The following DACH2 variants were observed in gnomAD, a reference collection of about 807,000 sequenced individuals.
DACH2 encodes dachshund homolog 2.
DACH2 carries 17 observed loss-of-function variants against 35.8 expected under a neutral mutation model. The observed-to-expected ratio is 0.48, with a 90% CI of 0.33 to 0.71. The LOEUF is 0.71. Ranked by LOEUF, DACH2 falls within the 30% of genes least tolerant of loss-of-function variation. The pLI is 0.02. For missense variants in DACH2, 469 were observed against 472.7 expected (o/e 0.99, Z 0.07); for synonymous variants, 195 against 177.3 (o/e 1.10, Z -0.79).
intron 1 of DACH2, among the ~76,000 whole-genome samples, chrX:86,284,179 A>G (rs776964318): frequency 9.0e-6 from 1 of 111,702 alleles, no homozygotes; most frequent in East Asian, 2.8e-4. Flanking sequence ...CATGTTCCAG[A>G]TCTTAAAGGA....
At chrX:86,293,578 T>C (rs1272177482) in intron 1 of DACH2, among the ~76,000 whole-genome samples, 40 of 110,677 alleles carry the variant, frequency 3.6e-4, no homozygotes, top group African/African-American at 1.2e-3. Flanking sequence ...TTCCTTTCCA[T>C]GTTTAGCGCT....
chrX:86,252,333 G>T (rs935040960), intron 1 of DACH2, among the ~76,000 whole-genome samples: 1 of 111,180 alleles, frequency 9.0e-6, no homozygotes, highest in African/African-American at 3.3e-5. Context: ...CTATGCAGAA[G>T]CTCCTTAGTC....
intron 1 of DACH2, among the ~76,000 whole-genome samples, chrX:86,152,810 T>C (rs1468810855): frequency 1.8e-5 from 2 of 111,810 alleles, no homozygotes; most frequent in Admixed American, 9.5e-5. Context: ...ATTTTGTTTT[T>C]TGCAGATAAA....
chrX:86,171,599 T>A (rs1415719142), intron 1 of DACH2, among the ~76,000 whole-genome samples: 1 of 110,812 alleles, frequency 9.0e-6, no homozygotes, highest in Non-Finnish European at 1.9e-5. Context: ...GTAAGACGAG[T>A]TTGGTCTGGG....
At chrX:86,539,837 G>A (rs2038856992) in intron 3 of DACH2, among the ~76,000 whole-genome samples, 1 of 111,345 alleles carries the variant, frequency 9.0e-6, no homozygotes, top group Non-Finnish European at 1.9e-5. Flanking sequence ...GGCATAGTAA[G>A]TATTCAATAA....
chrX:86,553,208 C>T (rs769411809), intron 3 of DACH2, among the ~76,000 whole-genome samples: 3 of 111,310 alleles, frequency 2.7e-5, no homozygotes, highest in African/African-American at 9.8e-5. Context: ...GAGCCCCTGG[C>T]AAATCACTGG....
chrX:86,207,638 T>C (rs1423798183), intron 1 of DACH2, among the ~76,000 whole-genome samples: 1 of 111,752 alleles, frequency 8.9e-6, no homozygotes, highest in Non-Finnish European at 1.9e-5. Context: ...GTAATGAATC[T>C]AGAAACTGTC....
At chrX:86,415,637 C>G (rs2036691436) in intron 2 of DACH2, among the ~76,000 whole-genome samples, 1 of 111,158 alleles carries the variant, frequency 9.0e-6, no homozygotes, top group South Asian at 3.8e-4. Context: ...ATTCAATTTG[C>G]TGAATGATAT....
intron 2 of DACH2, among the ~76,000 whole-genome samples, chrX:86,506,308 CTAAAAT>C (rs1343813654): frequency 2.0e-4 from 23 of 112,245 alleles, no homozygotes; most frequent in Admixed American, 1.7e-3. Context: ...GTTTGGCTTA[CTAAAAT>C]CATTTGCATT....
chrX:86,401,335 G>A (rs1358592948), intron 2 of DACH2, among the ~76,000 whole-genome samples: 3 of 112,205 alleles, frequency 2.7e-5, no homozygotes, highest in East Asian at 2.8e-4. Flanking sequence ...CCCGGGTGAG[G>A]TGATGCCTTG....
At chrX:86,656,857 G>GTATGTATATATA (rs2040547071) in intron 4 of DACH2, among the ~76,000 whole-genome samples, 1 of 66,772 alleles carries the variant, frequency 1.5e-5, no homozygotes, top group Non-Finnish European at 2.6e-5. Flanking sequence ...GTGTGTGTGT[G>GTATGTATATATA]TATATATATA....
intron 2 of DACH2, among the ~76,000 whole-genome samples, chrX:86,424,842 C>T (rs2036865781): frequency 9.0e-6 from 1 of 110,803 alleles, no homozygotes; most frequent in Admixed American, 9.6e-5. Flanking sequence ...CATTACGAGG[C>T]ATGTTACTTC....
intron 3 of DACH2, among the ~76,000 whole-genome samples, chrX:86,518,587 A>C (rs1185636343): frequency 9.0e-6 from 1 of 111,672 alleles, no homozygotes; most frequent in African/African-American, 3.3e-5. Flanking sequence ...AGTGTTTTGT[A>C]ATTCTCATTG....
chrX:86,178,381 T>C (rs1199675368), intron 1 of DACH2, among the ~76,000 whole-genome samples: 1 of 111,651 alleles, frequency 9.0e-6, no homozygotes, highest in Non-Finnish European at 1.9e-5. Context: ...AAAACTAGCT[T>C]GTAAATTCTT....
At chrX:86,660,347 T>A (rs1048608772) in intron 4 of DACH2, among the ~76,000 whole-genome samples, 2 of 111,766 alleles carry the variant, frequency 1.8e-5, no homozygotes, top group African/African-American at 6.5e-5. Flanking sequence ...ATGCAGGGTG[T>A]TATCCAGCAT....
chrX:86,284,454 A>G (rs1275659964), intron 1 of DACH2, among the ~76,000 whole-genome samples: 1 of 111,661 alleles, frequency 9.0e-6, no homozygotes, highest in African/African-American at 3.3e-5. Flanking sequence ...GTCATGATAA[A>G]TGATCTTTTA....
chrX:86,505,617 C>T (rs1602590374), intron 2 of DACH2, among the ~76,000 whole-genome samples: 1 of 93,484 alleles, frequency 1.1e-5, no homozygotes, highest in East Asian at 4.2e-4. Context: ...TCAGGATTCC[C>T]TTCCTTTTTA....
intron 1 of DACH2, among the ~76,000 whole-genome samples, chrX:86,239,196 C>T (rs1350814807): frequency 2.7e-5 from 3 of 111,573 alleles, no homozygotes; most frequent in Non-Finnish European, 5.6e-5. Flanking sequence ...TTTGAAGTAA[C>T]TGATTTAGAT....
intron 3 of DACH2, among the ~76,000 whole-genome samples, chrX:86,609,952 A>T (rs370487088): frequency 2.6e-4 from 29 of 111,375 alleles, no homozygotes; most frequent in East Asian, 2.6e-3. Context: ...ACCTGGTGTA[A>T]CCACTTCCTG....
Sources: allele counts gnomAD v4.1 joint callset (sites outside exome capture counted in the v4.1 genomes callset), GRCh38; gene constraint gnomAD v4.1.1; transcripts MANE v1.5; gene names NCBI Gene and HGNC (gene_info 2026-07-23, HGNC 2026-07-21).